Variants in EDC3 observed in about 807,000 individuals in gnomAD.
EDC3 encodes the protein enhancer of mRNA decapping 3.
Under a neutral mutation model 41.8 loss-of-function variants are expected in EDC3, and 20 were observed. The ratio of observed to expected loss-of-function variants is 0.48; its 90% CI spans 0.34 to 0.70. The LOEUF (loss-of-function observed/expected upper bound fraction) is 0.70. Ranked by LOEUF, EDC3 falls within the 30% of genes least tolerant of loss-of-function variation. The probability of loss-of-function intolerance (pLI) is 0.01; values close to 1 mark genes in which losing one functional copy is unlikely to be tolerated. For missense variants in EDC3, 444 were observed against 636.8 expected, an observed-to-expected ratio of 0.70 and a Z score of 3.26; for synonymous variants, 206 against 243.2, an observed-to-expected ratio of 0.85 and a Z score of 1.42.
intron 6 of EDC3, among the ~76,000 whole-genome samples, chr15:74,633,945 C>G (rs2062241838): frequency 6.6e-6 from 1 of 152,214 alleles, no homozygotes; most frequent in African/African-American, 2.4e-5. Context: ...ATCCTATCTT[C>G]TGTGTGCCCA....
chr15:74,661,411 T>A (rs923844433), intron 3 of EDC3, among the ~76,000 whole-genome samples: 2 of 152,162 alleles, frequency 1.3e-5, no homozygotes, highest in Non-Finnish European at 2.9e-5. Context: ...TGCCTGTTTC[T>A]GTAAATAAAG....
At chr15:74,652,698 C>T (rs1359599707) in intron 4 of EDC3, among the ~76,000 whole-genome samples, 1 of 152,104 alleles carries the variant, frequency 6.6e-6, no homozygotes, top group East Asian at 1.9e-4. Context: ...CCTACTTCAG[C>T]CTCCTGAGTA....
intron 4 of EDC3, among the ~76,000 whole-genome samples, chr15:74,650,384 A>G (rs368613011): frequency 6.6e-6 from 1 of 152,028 alleles, no homozygotes; most frequent in African/African-American, 2.4e-5. Context: ...TACTCATACT[A>G]TTCACCTGCA....
At chr15:74,674,433 T>C (rs537284624) in intron 2 of EDC3, among the ~76,000 whole-genome samples, 24 of 152,142 alleles carry the variant, frequency 1.6e-4, no homozygotes, top group Non-Finnish European at 3.1e-4. Flanking sequence ...GAGATTGGGA[T>C]TGAGATACTG....
chr15:74,683,752 T>C (rs893446307), intron 1 of EDC3, among the ~76,000 whole-genome samples: 7 of 152,072 alleles, frequency 4.6e-5, no homozygotes, highest in Admixed American at 3.3e-4. Flanking sequence ...TTGCATCACA[T>C]TAACAAAATA....
chr15:74,664,588 G>T (rs1188508219), intron 3 of EDC3, among the ~76,000 whole-genome samples: 3 of 152,186 alleles, frequency 2.0e-5, no homozygotes, highest in African/African-American at 7.2e-5. Flanking sequence ...CACACTAAAG[G>T]GTACCTGAAT....
chr15:74,662,145 C>A (rs1296401156), intron 3 of EDC3, among the ~76,000 whole-genome samples: 2 of 152,136 alleles, frequency 1.3e-5, no homozygotes, highest in African/African-American at 4.8e-5. Flanking sequence ...TTTGCTATTA[C>A]AGACTCGGCC....
chr15:74,660,366 C>A (rs534381208), intron 3 of EDC3, among the ~76,000 whole-genome samples: 1 of 151,144 alleles, frequency 6.6e-6, no homozygotes, highest in African/African-American at 2.4e-5. Context: ...ATCAAGATTG[C>A]GCCACTGCAC....
chr15:74,667,782 G>A (rs2062693877), intron 3 of EDC3, among the ~76,000 whole-genome samples: 1 of 152,154 alleles, frequency 6.6e-6, no homozygotes, highest in Admixed American at 6.6e-5. Context: ...AAATGGGGGA[G>A]AAGAGAGGAA....
chr15:74,684,978 C>G (rs926130269), intron 1 of EDC3, among the ~76,000 whole-genome samples: 1 of 152,066 alleles, frequency 6.6e-6, no homozygotes, highest in African/African-American at 2.4e-5. Flanking sequence ...AAAACATGAC[C>G]ATCTCAAAAA....
At chr15:74,634,970 GA>G in intron 6 of EDC3, 1 of 422,376 alleles carries the variant, frequency 2.4e-6, no homozygotes, top group Admixed American at 2.6e-5. Flanking sequence ...ACCTGACCCT[GA>G]AATGTCCAAG....
intron 1 of EDC3, among the ~76,000 whole-genome samples, chr15:74,686,100 G>A (rs539511940): frequency 2.0e-5 from 3 of 152,300 alleles, no homozygotes; most frequent in South Asian, 4.1e-4. Context: ...GCTGAGGCAG[G>A]TGGATCACAA....
intron 3 of EDC3, among the ~76,000 whole-genome samples, chr15:74,659,122 G>A (rs2062589731): frequency 6.6e-6 from 1 of 152,130 alleles, no homozygotes. Context: ...CCATAGCTAG[G>A]TGCTAGGATG....
intron 4 of EDC3, among the ~76,000 whole-genome samples, chr15:74,648,100 A>T (rs1354127200): frequency 6.6e-6 from 1 of 152,184 alleles, no homozygotes; most frequent in African/African-American, 2.4e-5. Flanking sequence ...TCTCAATGGG[A>T]AGAATTATCT....
At chr15:74,662,921 T>TG (rs2062636443) in intron 3 of EDC3, among the ~76,000 whole-genome samples, 4 of 152,118 alleles carry the variant, frequency 2.6e-5, no homozygotes, top group Non-Finnish European at 5.9e-5. Flanking sequence ...AAGACCCAAA[T>TG]ACTCTGAAGG....
At chr15:74,692,089 G>C (rs1255261091) in intron 1 of EDC3, among the ~76,000 whole-genome samples, 1 of 152,162 alleles carries the variant, frequency 6.6e-6, no homozygotes, top group Non-Finnish European at 1.5e-5. Context: ...AAAGTGATGG[G>C]ATTACAGGCG....
intron 5 of EDC3, chr15:74,636,440 T>C (rs570316154): frequency 3.3e-5 from 5 of 152,314 alleles, no homozygotes; most frequent in African/African-American, 1.2e-4. Flanking sequence ...TTGGATGAAG[T>C]TGTCACTTCC....
At chr15:74,658,624 G>GAAAAAAAAAA (rs60193835) in intron 3 of EDC3, among the ~76,000 whole-genome samples, 1 of 39,038 alleles carries the variant, frequency 2.6e-5, no homozygotes. Context: ...TTACGTCTCT[G>GAAAAAAAAAA]AAAAAAAAAA....
chr15:74,682,349 T>G (rs1038561416), intron 1 of EDC3, among the ~76,000 whole-genome samples: 8 of 151,478 alleles, frequency 5.3e-5, no homozygotes, highest in African/African-American at 1.5e-4. Context: ...CTGGGCACGG[T>G]GGCTCACGCC....
Sources: gnomAD v4.1 joint callset for allele counts (sites outside exome capture counted in the v4.1 genomes callset) on GRCh38, gnomAD v4.1.1 for gene constraint, MANE v1.5 for transcripts, NCBI Gene and HGNC (gene_info 2026-07-23, HGNC 2026-07-21) for gene names.